The following DPP6 variants were observed in gnomAD, a reference collection of about 807,000 sequenced individuals.
The protein encoded by DPP6 is A-type potassium channel modulatory protein DPP6.
Under a neutral mutation model 122.6 loss-of-function variants are expected in DPP6, and 69 were observed. That is an observed-to-expected ratio of 0.56 (90% CI 0.46 to 0.69). The LOEUF (loss-of-function observed/expected upper bound fraction) is 0.69, where lower values mean the gene tolerates loss of function less well. Ranked by LOEUF, DPP6 falls within the 30% of genes least tolerant of loss-of-function variation. The pLI is 0.00. For missense variants in DPP6, 928 were observed against 1,116.9 expected (o/e 0.83, Z 2.41); for synonymous variants, 418 against 433.1 (o/e 0.97, Z 0.43).
At chr7:154,063,575 T>C (rs144489437) in intron 1 of DPP6, among the ~76,000 whole-genome samples, 6,625 of 50,110 alleles carry the variant, frequency 0.13, 565 homozygotes, top group African/African-American at 0.23. Flanking sequence ...CTCTTCCGCC[T>C]CTGGCTGATA....
In DPP6 at chr7:154,877,430, CA is replaced by C. The variant is rs1804977606; in HGVS notation, c.2078+1331del. On this transcript the variant is annotated intron_variant, in intron 20 of 25. Transcript: ENST00000377770. This position sits in a 1 kb window ranked among gnomAD's most constrained non-coding sequence, Gnocchi z 5.2. ...GCACACACACACACACACACACACA[CA>C]CCTCTCAAATAAGGAACTATATTGG... Among the ~76,000 whole-genome samples, 1 of 145,080 alleles carries C rather than the reference CA, an allele frequency of 6.9e-6. No individual in the cohort carries two copies. The highest frequency in any genetic ancestry group is 2.5e-5 in the African/African-American group (1 of 39,530).
intron 1 of DPP6, among the ~76,000 whole-genome samples, chr7:153,924,102 A>C (rs7805704): frequency 6.6e-6 from 1 of 151,352 alleles, no homozygotes; most frequent in African/African-American, 2.4e-5. Flanking sequence ...AATAACAGTA[A>C]TGTGTATTAT....
intron 1 of DPP6, among the ~76,000 whole-genome samples, chr7:153,949,388 C>T (rs531141469): frequency 6.6e-6 from 1 of 152,306 alleles, no homozygotes; most frequent in Admixed American, 6.5e-5. Context: ...TCTTTCCAGT[C>T]TCGGAGATGC....
chr7:153,809,997 T>C, the DPP6 span, among the ~76,000 whole-genome samples: 1 of 152,160 alleles, frequency 6.6e-6, no homozygotes, highest in South Asian at 2.1e-4. Context: ...AAGCTACCAT[T>C]AGAAGGAATC....
chr7:154,259,999 T>C (rs1351146806), intron 1 of DPP6, among the ~76,000 whole-genome samples: 2 of 152,112 alleles, frequency 1.3e-5, no homozygotes, highest in Non-Finnish European at 2.9e-5. Context: ...TGGAGGAAGA[T>C]GGCTGTCTCA....
chr7:154,836,347 T>A (rs564377772), intron 16 of DPP6, among the ~76,000 whole-genome samples: 1 of 152,234 alleles, frequency 6.6e-6, no homozygotes, highest in African/African-American at 2.4e-5. Context: ...GCCTCACCCA[T>A]GCCCAACCCA....
At chr7:154,673,234 G>C (rs1361521848) in intron 7 of DPP6, among the ~76,000 whole-genome samples, 1 of 152,226 alleles carries the variant, frequency 6.6e-6, no homozygotes, top group Non-Finnish European at 1.5e-5. Flanking sequence ...TCAGATTGAA[G>C]TGAGTAATTC....
chr7:154,426,821 A>G (rs569012721), intron 1 of DPP6, among the ~76,000 whole-genome samples: 2 of 151,828 alleles, frequency 1.3e-5, no homozygotes, highest in Admixed American at 1.3e-4. Context: ...AAAAAAAAAA[A>G]AAAAAAAAAA....
At chr7:154,512,343 AT>A (rs1245763036) in intron 3 of DPP6, among the ~76,000 whole-genome samples, 2 of 152,192 alleles carry the variant, frequency 1.3e-5, no homozygotes, top group East Asian at 3.9e-4. Flanking sequence ...GTAATGTTAT[AT>A]AAAGCACTTT....
At chr7:154,246,092 A>G (rs1801966389) in intron 1 of DPP6, among the ~76,000 whole-genome samples, 1 of 152,204 alleles carries the variant, frequency 6.6e-6, no homozygotes, top group Non-Finnish European at 1.5e-5. Flanking sequence ...CCAAAACAAT[A>G]AGATATTTAG....
chr7:153,762,357 A>G, the DPP6 span, among the ~76,000 whole-genome samples: 1 of 152,202 alleles, frequency 6.6e-6, no homozygotes, highest in African/African-American at 2.4e-5. Flanking sequence ...CTTCCATCCT[A>G]TGTAGGCTTT....
chr7:153,991,191 G>C (rs1171857899), intron 1 of DPP6, among the ~76,000 whole-genome samples: 1 of 152,080 alleles, frequency 6.6e-6, no homozygotes, highest in Non-Finnish European at 1.5e-5. Flanking sequence ...GCTTTTGGAA[G>C]CAGATAGCTC....
chr7:154,087,789 A>G (rs1804531203), intron 1 of DPP6, among the ~76,000 whole-genome samples: 1 of 152,222 alleles, frequency 6.6e-6, no homozygotes, highest in African/African-American at 2.4e-5. Flanking sequence ...ACTCACAGGT[A>G]TTTATTATCC....
At chr7:154,273,006 G>C (rs1803893467) in intron 1 of DPP6, among the ~76,000 whole-genome samples, 3 of 152,160 alleles carry the variant, frequency 2.0e-5, no homozygotes, top group African/African-American at 4.8e-5. Flanking sequence ...ATTTCATTTT[G>C]TTCCCACTGG....
At chr7:154,419,282 A>C (rs1018510672) in intron 1 of DPP6, among the ~76,000 whole-genome samples, 2 of 152,210 alleles carry the variant, frequency 1.3e-5, no homozygotes, top group African/African-American at 4.8e-5. Context: ...GTGATCATAC[A>C]TTGGTATTAA....
At chr7:154,216,151 G>A (rs894136855) in intron 1 of DPP6, among the ~76,000 whole-genome samples, 12 of 152,180 alleles carry the variant, frequency 7.9e-5, no homozygotes, top group South Asian at 2.1e-4. Context: ...TGGCTCCAGG[G>A]ACCCCACGGG....
At chr7:154,754,014 CAATT>C (rs1430766780) in intron 8 of DPP6, among the ~76,000 whole-genome samples, 1 of 142,792 alleles carries the variant, frequency 7.0e-6, no homozygotes, top group African/African-American at 2.9e-5. Context: ...TTATAATTTA[CAATT>C]AATTAACCTT....
chr7:154,362,748 A>G (rs898538476), intron 1 of DPP6, among the ~76,000 whole-genome samples: 2 of 152,054 alleles, frequency 1.3e-5, no homozygotes, highest in Non-Finnish European at 2.9e-5. Context: ...AAATCCTTCT[A>G]GAAGGTACTC....
intron 2 of DPP6, among the ~76,000 whole-genome samples, chr7:154,465,994 G>A (rs915972027): frequency 2.0e-5 from 3 of 152,072 alleles, no homozygotes; most frequent in African/African-American, 7.2e-5. Flanking sequence ...AAAAAAATGT[G>A]GCACATATAT....
Sources: allele counts gnomAD v4.1 joint callset (sites outside exome capture counted in the v4.1 genomes callset), GRCh38; gene constraint gnomAD v4.1.1; non-coding constraint Gnocchi (gnomAD v3.1); transcripts MANE v1.5; gene names NCBI Gene and HGNC (gene_info 2026-07-23, HGNC 2026-07-21).